Variants in ATP2A3 observed in about 807,000 individuals in gnomAD.
ATP2A3 encodes ATPase sarcoplasmic/endoplasmic reticulum Ca2+ transporting 3, also known as sarcoplasmic/endoplasmic reticulum calcium ATPase 3.
ATP2A3 carries 61 observed loss-of-function variants against 106.8 expected under a neutral mutation model. The ratio of observed to expected loss-of-function variants is 0.57; its 90% confidence interval spans 0.46 to 0.71. ATP2A3 has a LOEUF of 0.71. Ranked by LOEUF, ATP2A3 falls within the 30% of genes least tolerant of loss-of-function variation. The probability of loss-of-function intolerance (pLI) is 0.00; values close to 1 mark genes in which losing one functional copy is unlikely to be tolerated. For synonymous variants in ATP2A3, 611 were observed against 609.3 expected, an observed-to-expected ratio of 1.00 and a Z score of -0.04; for missense variants, 1,201 against 1,423.5, an observed-to-expected ratio of 0.84 and a Z score of 2.52.
At position 3,936,348 on chromosome 17, in the gene ATP2A3, C is replaced by T. The variant is rs1037677561; in HGVS notation, c.2443G>A (p.Asp815Asn). 1 of 1,614,124 alleles carries T rather than the reference C, an allele frequency of 6.2e-7. No individual in the cohort carries two copies. The highest frequency in any genetic ancestry group is 8.5e-7 in the Non-Finnish European group (1 of 1,180,030). The change falls in exon 16 of 21, where the codon GAC becomes AAC. Residue 815 changes from aspartate to asparagine, a missense_variant. This residue lies in a region of ATP2A3 where 935 missense variants were observed against 1,176.7 expected (regional missense o/e 0.79). Transcript: ENST00000397041. This position sits in a 1 kb window ranked among gnomAD's most constrained non-coding sequence, Gnocchi z 5.4. ...TALGFNPPDL[D>N]IMEKLPRSPR... ...CTCCGGGGCAGCTTCTCCATGATGTCCAGGTCTGGCGGGTTGAAGCCCAGA... is the reference window on the plus strand; with the variant it reads ...CTCCGGGGCAGCTTCTCCATGATGTTCAGGTCTGGCGGGTTGAAGCCCAGA...
intron 14 of ATP2A3, among the ~76,000 whole-genome samples, chr17:3,938,686 T>G (rs1490906794): frequency 1.3e-5 from 2 of 151,788 alleles, no homozygotes; most frequent in African/African-American, 4.8e-5. Context: ...GCTGAGATTA[T>G]AGGCATGCAC....
At chr17:3,957,235 C>T (rs1229416830) in intron 1 of ATP2A3, among the ~76,000 whole-genome samples, 1 of 152,244 alleles carries the variant, frequency 6.6e-6, no homozygotes, top group African/African-American at 2.4e-5. Context: ...GCCCATTTTA[C>T]AGAGTACACA....
intron 4 of ATP2A3, 36 bp downstream of exon 4, chr17:3,951,545 C>CCCCCCCCCCCCCCCG: frequency 3.7e-6 from 5 of 1,351,102 alleles, no homozygotes; most frequent in Non-Finnish European, 5.1e-6. Context: ...GCTGGGAGAC[C>CCCCCCCCCCCCCCCG]GCCCCCCGCC....
chr17:3,950,756 C>T lies in ATP2A3; in HGVS notation c.481G>A (p.Ala161Thr). Residue 161 changes from alanine (A) to threonine (T), a missense_variant, in exon 6 of 21, where the codon GCT (alanine) becomes ACT (threonine). Ala to Thr is a moderately conservative substitution (Grantham distance 58). Around this residue, in one of 2 missense-constraint regions of ATP2A3, gnomAD observed 266 missense variants for 246.8 expected, o/e 1.08. Coordinates refer to ENST00000397041, the MANE Select transcript of ATP2A3 (RefSeq NM_005173.4). ...TTGATCTCGATGAGGCGGAGGTCAG[C>T]AGGCACTTTGTCCCCCACTGTGCGG... ...VEVAVGDKVP[A>T]DLRLIEIKST... 4.3e-6 allele frequency: 7 copies of T among 1,613,496 alleles called. No individual in the cohort carries two copies. Among genetic ancestry groups the T allele is most frequent in the Non-Finnish European group, 5.9e-6 (7 of 1,179,966 alleles).
intron 20 of ATP2A3, chr17:3,927,963 C>T (rs1470514113): frequency 4.3e-6 from 7 of 1,613,704 alleles, no homozygotes; most frequent in African/African-American, 1.3e-5. Context: ...GCGCAAATTC[C>T]CAGGAACCGG....
At chr17:3,958,711 TATATATACAC>T (rs199580308) in intron 1 of ATP2A3, among the ~76,000 whole-genome samples, 1,246 of 115,468 alleles carry the variant, frequency 0.011, 90 homozygotes, top group African/African-American at 0.034. Context: ...CATATATATA[TATATATACAC>T]ATATATATAC....
Position 3,937,451 on chromosome 17 carries a change from G to A in ATP2A3, c.2286C>T (p.Arg762=). Residue 762 remains arginine, a synonymous_variant, in exon 15 of 21, where the codon CGC becomes CGT. Coordinates refer to ENST00000397041, the MANE Select transcript of ATP2A3 (RefSeq NM_005173.4). Reference sequence around the variant, plus strand: ...CGCCAACATTGGAGGAGATGAGGTAGCGGATGAATTGCTTCATGTTGCTGT... The same window carrying A: ...CGCCAACATTGGAGGAGATGAGGTAACGGATGAATTGCTTCATGTTGCTGT... ...AIYSNMKQFI[R]YLISSNVGEV... 1 of 1,612,912 alleles carries A rather than the reference G, an allele frequency of 6.2e-7. No individual in the cohort carries two copies. Among genetic ancestry groups the A allele is most frequent in the East Asian group, 2.2e-5 (1 of 44,880 alleles).
chr17:3,953,583 G>A lies in ATP2A3; in HGVS notation c.136+110C>T, dbSNP rs1214918299. 3 of 1,506,264 alleles carry A rather than the reference G, an allele frequency of 2.0e-6. No homozygotes were observed. Among genetic ancestry groups the A allele is most frequent in the African/African-American group, 2.8e-5 (2 of 72,026 alleles). The allele number at this position is 1,506,264 out of a possible 1,614,324, so 93.3% of individuals were successfully genotyped here. Reference sequence around the variant, plus strand: ...TGAGAGGCTCAGGTGGGTGATCCTGGGGAGCTCAGCAAGGCCTCACTCAGC... The same window carrying A: ...TGAGAGGCTCAGGTGGGTGATCCTGAGGAGCTCAGCAAGGCCTCACTCAGC... On this transcript the variant is annotated intron_variant, in intron 2 of 20. Coordinates refer to ENST00000397041, the MANE Select transcript of ATP2A3 (RefSeq NM_005173.4). This position sits in a 1 kb window ranked among gnomAD's most constrained non-coding sequence, Gnocchi z 5.1.
chr17:3,933,831 G>T (rs1429891786), intron 17 of ATP2A3, among the ~76,000 whole-genome samples: 1 of 151,638 alleles, frequency 6.6e-6, no homozygotes, highest in African/African-American at 2.4e-5. Flanking sequence ...TACTGGTGAG[G>T]CCACTGCTGT....
intron 1 of ATP2A3, among the ~76,000 whole-genome samples, chr17:3,961,963 C>A (rs1239656580): frequency 2.0e-5 from 3 of 152,166 alleles, no homozygotes; most frequent in African/African-American, 7.2e-5. Flanking sequence ...GACATCTGCA[C>A]CTCCTCCTCA....
rs111415844 is a variant in ATP2A3, at chr17:3,927,796, C to T, written c.2980+867G>A. On this transcript the variant is annotated intron_variant, in intron 20 of 20. Transcript: ENST00000397041. ...TGCTCAGCCCCTAGGGAATGACAGACGCGTGATCTATTTATAGTCCCTCCA... is the reference window on the plus strand; with the variant it reads ...TGCTCAGCCCCTAGGGAATGACAGATGCGTGATCTATTTATAGTCCCTCCA... 2.0e-3 allele frequency: 1,965 copies of T among 985,302 alleles called. 23 individuals carry two copies. The African/African-American group carries it at 0.029, about 15-fold the overall frequency. The allele number at this position is 985,302 out of a possible 1,614,324, so 61.0% of individuals were successfully genotyped here.
In ATP2A3 at chr17:3,924,646, C is replaced by G. The variant is rs536662009; in HGVS notation, c.*776G>C. On this transcript the variant is annotated 3_prime_UTR_variant, in exon 21 of 21. Transcript: ENST00000397041. This position sits in a 1 kb window ranked among gnomAD's most constrained non-coding sequence, Gnocchi z 6.4. ...CGGCAGTGTGACTCTGAACATCTCC[C>G]GAGCTCAGGACGGGGAACCCTGAGT... is the stretch of plus-strand genomic sequence containing the variant. 5 of 410,408 alleles carry G rather than the reference C, an allele frequency of 1.2e-5. No homozygotes were observed. The highest frequency in any genetic ancestry group is 2.5e-5 in the Non-Finnish European group (5 of 203,938). The allele number at this position is 410,408 out of a possible 1,614,324, so 25.4% of individuals were successfully genotyped here. A position where few individuals can be genotyped will look rare whatever the true frequency, so the allele number is the denominator to read the frequency against.
intron 1 of ATP2A3, among the ~76,000 whole-genome samples, chr17:3,957,142 G>A (rs1463894422): frequency 6.6e-6 from 1 of 152,260 alleles, no homozygotes; most frequent in South Asian, 2.1e-4. Context: ...AGCTGGTGGT[G>A]TGCGCCAGAC....
In ATP2A3 at chr17:3,929,384, C is replaced by A. The variant is rs781244463; in HGVS notation, c.2806G>T (p.Ala936Ser). ...PPWMNPWLLVAVAMSMALHFL... is the reference protein window; with the variant it reads ...PPWMNPWLLVSVAMSMALHFL... ...TGCAGGGCCATGGACATGGCCACAG[C>A]CACCAGCAGCCAGGGGTTCATCCAG... Residue 936 changes from alanine to serine, a missense_variant, in exon 19 of 21, where the codon GCT (alanine) becomes TCT (serine). Coordinates refer to ENST00000397041, the MANE Select transcript of ATP2A3 (RefSeq NM_005173.4). The surrounding 1 kb of genome is among the most constrained non-coding windows in gnomAD (Gnocchi z 4.3). 4.8e-5 allele frequency: 76 copies of A among 1,579,702 alleles called. No homozygotes were observed. Among genetic ancestry groups the A allele is most frequent in the Non-Finnish European group, 4.6e-5 (53 of 1,163,884 alleles).
chr17:3,934,833 T>G, intron 17 of ATP2A3: 2 of 277,366 alleles, frequency 7.2e-6, no homozygotes, highest in Non-Finnish European at 1.4e-5. Context: ...CTCCCCTCCA[T>G]TCTTGATCTC....
intron 17 of ATP2A3, among the ~76,000 whole-genome samples, chr17:3,934,373 G>A (rs1045692715): frequency 7.2e-5 from 11 of 151,926 alleles, no homozygotes; most frequent in Middle Eastern, 3.4e-3. Context: ...ACACATCACC[G>A]TGCCTGGTTC....
Position 3,945,133 on chromosome 17 carries a change from C to G in ATP2A3, c.1111G>C (p.Glu371Gln). The G allele has an allele frequency of 6.5e-7, 1 of 1,547,918 alleles. No individual in the cohort carries two copies. Among genetic ancestry groups the G allele is most frequent in the African/African-American group, 1.4e-5 (1 of 73,030 alleles). ...MSVCRMFVVA[E>Q]ADAGSCLLHE... Reference sequence around the variant, plus strand: ...AAAAGGCAGGAGCCCGCATCGGCCTCGGCTACCACGAACATCTGGGGAGCG... The same window carrying G: ...AAAAGGCAGGAGCCCGCATCGGCCTGGGCTACCACGAACATCTGGGGAGCG... The change falls in exon 9 of 21, where the codon GAG becomes CAG. Residue 371 changes from glutamate (E) to glutamine (Q), a missense_variant. By Grantham distance (29) the Glu-to-Gln change is conservative (BLOSUM62 2). This residue lies in a region of ATP2A3 where 935 missense variants were observed against 1,176.7 expected (regional missense o/e 0.79). Coordinates refer to ENST00000397041, the MANE Select transcript of ATP2A3 (RefSeq NM_005173.4).
At chr17:3,927,132 C>T in intron 20 of ATP2A3, 1 of 985,432 alleles carries the variant, frequency 1.0e-6, no homozygotes, top group Non-Finnish European at 1.2e-6. Context: ...GAAACTCCCC[C>T]TCACTCCTGG....
At chr17:3,927,032 G>A (rs1314304282) in intron 20 of ATP2A3, 2 of 985,336 alleles carry the variant, frequency 2.0e-6, no homozygotes, top group Non-Finnish European at 2.4e-6. Flanking sequence ...TGCCCTGCAT[G>A]CTGAGTGTCA....
Sources: gnomAD v4.1 joint callset for allele counts (sites outside exome capture counted in the v4.1 genomes callset) on GRCh38, gnomAD v4.1.1 for gene constraint, gnomAD v4.1.1 regional missense constraint, Gnocchi (gnomAD v3.1) non-coding constraint, MANE v1.5 for transcripts, NCBI Gene and HGNC (gene_info 2026-07-23, HGNC 2026-07-21) for gene names.